Variants in TCF12 observed in about 807,000 individuals in gnomAD.
TCF12 encodes the protein DNA-binding protein HTF4.
Under a neutral mutation model 86.0 loss-of-function variants are expected in TCF12, and 45 were observed. The observed-to-expected ratio is 0.52, with a 90% CI of 0.41 to 0.67. The LOEUF is 0.67. Ranked by LOEUF, TCF12 falls within the 30% of genes least tolerant of loss-of-function variation. The pLI is 0.00. For synonymous variants in TCF12, 330 were observed against 299.6 expected, an observed-to-expected ratio of 1.10 and a Z score of -1.05; for missense variants, 881 against 859.9, an observed-to-expected ratio of 1.02 and a Z score of -0.31.
At position 57,077,401 on chromosome 15, in the gene TCF12, G is replaced by A. The variant is rs539466803; in HGVS notation, c.222+13578G>A. Among the ~76,000 whole-genome samples the A allele has an allele frequency of 9.5e-4, 129 of 135,572 alleles. 1 individual carries two copies. The highest frequency in any genetic ancestry group is 3.7e-4 in the Non-Finnish European group (24 of 64,818). The allele number at this position is 135,572 out of a possible 152,430, so 88.9% of individuals were successfully genotyped here. A position where few individuals can be genotyped will look rare whatever the true frequency, so the allele number is the denominator to read the frequency against. On this transcript the variant is annotated intron_variant, in intron 4 of 20. Coordinates refer to ENST00000333725, the MANE Select transcript of TCF12 (RefSeq NM_207037.2). The stretch of plus-strand genomic sequence containing the variant: ...TATATATTTTTTTTTTTTTGGCAAG[G>A]CTTTGCTCTGGCGCCCAGGCTGGAG...
chr15:57,271,160 C>T (rs994714595), intron 18 of TCF12, among the ~76,000 whole-genome samples: 4 of 152,228 alleles, frequency 2.6e-5, no homozygotes, highest in Admixed American at 1.3e-4. Context: ...TGTTCAGATA[C>T]GCCCTGCCCT....
chr15:57,257,679 GTATA>G (rs55834033), intron 16 of TCF12, among the ~76,000 whole-genome samples: 7,252 of 140,086 alleles, frequency 0.052, 241 homozygotes, highest in African/African-American at 0.078. Context: ...AAAAAAAAGT[GTATA>G]TATATATATA....
At chr15:56,984,591 A>G (rs1311823760) in intron 3 of TCF12, among the ~76,000 whole-genome samples, 2 of 152,192 alleles carry the variant, frequency 1.3e-5, no homozygotes, top group Non-Finnish European at 2.9e-5. Context: ...AGCACAGTAT[A>G]GTTTAAACTG....
intron 3 of TCF12, among the ~76,000 whole-genome samples, chr15:57,002,332 G>A (rs1237587584): frequency 6.6e-6 from 1 of 152,088 alleles, no homozygotes; most frequent in South Asian, 2.1e-4. Flanking sequence ...AACCAAATAC[G>A]CTTTACAAAA....
At chr15:57,031,378 T>TA (rs2066170687) in intron 3 of TCF12, among the ~76,000 whole-genome samples, 1 of 118,634 alleles carries the variant, frequency 8.4e-6, no homozygotes, top group Non-Finnish European at 1.8e-5. Flanking sequence ...TAGCTTGAGG[T>TA]TTGGGGGGTC....
intron 3 of TCF12, among the ~76,000 whole-genome samples, chr15:57,021,861 G>A (rs1008109876): frequency 1.3e-5 from 2 of 152,076 alleles, no homozygotes; most frequent in Non-Finnish European, 2.9e-5. Context: ...ACATGAGTAT[G>A]TGCTGATTTT....
intron 3 of TCF12, among the ~76,000 whole-genome samples, chr15:56,993,127 A>C (rs2063534515): frequency 6.6e-6 from 1 of 152,184 alleles, no homozygotes; most frequent in Admixed American, 6.5e-5. Context: ...AGACAACTTA[A>C]CACAATCTAA....
intron 3 of TCF12, among the ~76,000 whole-genome samples, chr15:57,040,812 C>G (rs2066848774): frequency 6.6e-6 from 1 of 152,106 alleles, no homozygotes; most frequent in Admixed American, 6.5e-5. Context: ...TTAACTTACT[C>G]ATAATATGGA....
In TCF12 at chr15:57,177,633, A is replaced by AGAGAGAGAGAGAGAGAGAGAGAGT. The variant is rs1362152149; in HGVS notation, c.390+11172_390+11173insAGAGAGAGAGAGAGAGAGTGAGAG. 1.1e-4 allele frequency among the ~76,000 whole-genome samples: 16 copies of AGAGAGAGAGAGAGAGAGAGAGAGT among 151,744 alleles called. No homozygotes were observed. The East Asian group carries it at 3.1e-3, about 30-fold the overall frequency. On this transcript the variant is annotated intron_variant, in intron 6 of 20. Transcript: ENST00000333725. ...CAGAGAGAGAGAGAGAGAGAGAGAGAGAGAGTTGGATTAGGCAGGGCCTAC... is the reference window on the plus strand; with the variant it reads ...CAGAGAGAGAGAGAGAGAGAGAGAGAGAGAGAGAGAGAGAGAGAGAGAGTGAGAGTTGGATTAGGCAGGGCCTAC...
At chr15:56,938,041 TTTTC>T (rs1206841602) in intron 3 of TCF12, among the ~76,000 whole-genome samples, 7 of 131,418 alleles carry the variant, frequency 5.3e-5, no homozygotes, top group African/African-American at 1.5e-4. Flanking sequence ...TTTTCGTTTC[TTTTC>T]TTTTTTTTTT....
chr15:56,931,044 T>C (rs1798015071), intron 3 of TCF12, among the ~76,000 whole-genome samples: 2 of 152,218 alleles, frequency 1.3e-5, no homozygotes, highest in South Asian at 2.1e-4. Context: ...GATCTGTCTC[T>C]CTCTCTCTCC....
chr15:56,976,667 C>T (rs1003616757), intron 3 of TCF12, among the ~76,000 whole-genome samples: 1 of 152,076 alleles, frequency 6.6e-6, no homozygotes, highest in Non-Finnish European at 1.5e-5. Flanking sequence ...GACACATTTG[C>T]TTCCTGATGT....
chr15:57,005,020 A>C (rs1455858133), intron 3 of TCF12, among the ~76,000 whole-genome samples: 1 of 152,202 alleles, frequency 6.6e-6, no homozygotes, highest in African/African-American at 2.4e-5. Context: ...TTTGTGCCTG[A>C]GGGAGAGATA....
chr15:56,946,850 G>T (rs943288653), intron 3 of TCF12, among the ~76,000 whole-genome samples: 2 of 146,200 alleles, frequency 1.4e-5, no homozygotes, highest in East Asian at 4.0e-4. Flanking sequence ...GCCCATGCTG[G>T]AGTGTACCAT....
At chr15:56,932,770 G>A (rs2060303477) in intron 3 of TCF12, among the ~76,000 whole-genome samples, 2 of 152,024 alleles carry the variant, frequency 1.3e-5, no homozygotes, top group Admixed American at 1.3e-4. Flanking sequence ...TCACTGTGTT[G>A]GCCAGGCTGT....
intron 3 of TCF12, among the ~76,000 whole-genome samples, chr15:56,926,674 G>A (rs1439745982): frequency 6.6e-6 from 1 of 152,142 alleles, no homozygotes; most frequent in East Asian, 1.9e-4. Flanking sequence ...TAATTCCTGG[G>A]GGAGCTCATA....
chr15:57,229,191 A>T (rs1368893562), intron 8 of TCF12, among the ~76,000 whole-genome samples: 1 of 152,016 alleles, frequency 6.6e-6, no homozygotes, highest in Non-Finnish European at 1.5e-5. Flanking sequence ...AAACTTGATT[A>T]AAAGAAAATA....
chr15:57,071,527 C>T (rs763567573), intron 4 of TCF12, among the ~76,000 whole-genome samples: 5 of 151,930 alleles, frequency 3.3e-5, no homozygotes, highest in Non-Finnish European at 7.4e-5. Context: ...CCCAGTTACT[C>T]GGGAGGCTCA....
intron 3 of TCF12, among the ~76,000 whole-genome samples, chr15:57,042,962 C>T (rs1027503355): frequency 2.0e-5 from 3 of 152,096 alleles, no homozygotes; most frequent in East Asian, 1.9e-4. Context: ...TTCTGAGTTT[C>T]GCTACTTTAG....
Sources: allele counts gnomAD v4.1 joint callset (sites outside exome capture counted in the v4.1 genomes callset), GRCh38; gene constraint gnomAD v4.1.1; transcripts MANE v1.5; gene names NCBI Gene and HGNC (gene_info 2026-07-23, HGNC 2026-07-21).